Variants in USP24 observed in about 807,000 individuals in gnomAD.
The protein encoded by USP24 is ubiquitin specific peptidase 24, also known as ubiquitin carboxyl-terminal hydrolase 24.
A neutral mutation model predicts 361.6 loss-of-function variants in USP24; 97 were observed. The observed-to-expected ratio is 0.27, with a 90% confidence interval of 0.23 to 0.32. USP24 has a LOEUF of 0.32. Among genes scored for constraint, USP24 ranks in the 10% least tolerant of loss-of-function variants. The probability of loss-of-function intolerance (pLI) is 1.00; values close to 1 mark genes in which losing one functional copy is unlikely to be tolerated. For synonymous variants in USP24, 1,098 were observed against 1,124.6 expected (o/e 0.98, Z 0.47); for missense variants, 2,353 against 3,165.6 (o/e 0.74, Z 6.16).
Position 55,151,813 on chromosome 1 carries a change from A to AT in USP24, c.1860+2056dup. On this transcript the variant is annotated intron_variant, in intron 16 of 67. Transcript: ENST00000294383. ...CTGAACACAACAGTGGAACTTGGGA[A>AT]TTTTAAGAGTATCAAAAGCAGAGGG... 6 of 847,330 alleles carry AT rather than the reference A, an allele frequency of 7.1e-6. No individual in the cohort carries two copies. The South Asian group carries it at 3.2e-4, about 46-fold the overall frequency. 52.5% of individuals were successfully genotyped at this position (847,330 alleles called of 1,614,324 possible).
At chr1:55,176,270 C>T in intron 3 of USP24, 106 bp downstream of exon 3, 1 of 831,784 alleles carries the variant, frequency 1.2e-6, no homozygotes, top group Non-Finnish European at 1.8e-6. Flanking sequence ...GATTCATAAA[C>T]TGGTCTTATA....
chr1:55,207,588 T>C (rs1260630169), intron 1 of USP24, among the ~76,000 whole-genome samples: 4 of 152,116 alleles, frequency 2.6e-5, no homozygotes, highest in African/African-American at 2.4e-5. Flanking sequence ...ATGTAACAAC[T>C]GCATACACAG....
At chr1:55,076,720 A>AT (rs578178194) in intron 62 of USP24, among the ~76,000 whole-genome samples, 10 of 151,540 alleles carry the variant, frequency 6.6e-5, no homozygotes, top group South Asian at 2.1e-4. Flanking sequence ...CTGCCAGAGG[A>AT]TTTTTTTTTC....
intron 1 of USP24, among the ~76,000 whole-genome samples, chr1:55,203,005 G>A (rs754012155): frequency 2.6e-5 from 4 of 152,146 alleles, no homozygotes; most frequent in Non-Finnish European, 4.4e-5. Flanking sequence ...TTTTACTACC[G>A]TATATTGTAA....
chr1:55,123,657 T>A (rs1337346323), intron 35 of USP24, 55 bp from the exon 36 acceptor site: 1 of 1,461,862 alleles, frequency 6.8e-7, no homozygotes, highest in Non-Finnish European at 9.1e-7. Flanking sequence ...TATGCAATAT[T>A]TTAATCTTTT....
At chr1:55,167,137 G>C (rs940325618) in intron 5 of USP24, among the ~76,000 whole-genome samples, 6 of 152,070 alleles carry the variant, frequency 3.9e-5, no homozygotes, top group Non-Finnish European at 8.8e-5. Flanking sequence ...TTCTAGCAGG[G>C]TCAACAAAAC....
At chr1:55,175,219 CTTTTTTTTTTTTT>C (rs3072970) in intron 3 of USP24, among the ~76,000 whole-genome samples, 10 of 66,914 alleles carry the variant, frequency 1.5e-4, no homozygotes, top group Admixed American at 4.4e-4. Flanking sequence ...TACTGGGTCT[CTTTTTTTTTTTTT>C]TTTTTTTTTT....
chr1:55,157,871 C>CA (rs1053968034), intron 10 of USP24, among the ~76,000 whole-genome samples: 12 of 151,202 alleles, frequency 7.9e-5, no homozygotes, highest in African/African-American at 2.9e-4. Flanking sequence ...GTCATTCTTA[C>CA]AGCTGTCATT....
intron 34 of USP24, 41 bp from the exon 35 acceptor site, chr1:55,124,669 G>C: frequency 6.2e-7 from 1 of 1,606,378 alleles, no homozygotes. Context: ...AGCAATACTT[G>C]AACACATGCC....
Position 55,135,929 on chromosome 1 carries a change from T to C in USP24, c.3202-1516A>G, listed in dbSNP as rs537396065. Among the ~76,000 whole-genome samples, 298 of 152,288 alleles carry C rather than the reference T, an allele frequency of 2.0e-3. 1 individual carries two copies. The highest frequency in any genetic ancestry group is 6.5e-3 in the African/African-American group (271 of 41,566). ...CAAAATAAACTAATTCATGAAGTCA[T>C]TGAAATATTGATTGAGTACCTATCA... On this transcript the variant is annotated intron_variant, in intron 28 of 67. Transcript: ENST00000294383.
At chr1:55,175,134 A>G (rs1007266702) in intron 3 of USP24, among the ~76,000 whole-genome samples, 2 of 151,424 alleles carry the variant, frequency 1.3e-5, no homozygotes, top group East Asian at 1.9e-4. Flanking sequence ...TATATTTTTT[A>G]AGGCTTGAAT....
chr1:55,072,194 T>G, intron 66 of USP24, 123 bp downstream of exon 66: 1 of 773,034 alleles, frequency 1.3e-6, no homozygotes, highest in Non-Finnish European at 2.1e-6. Flanking sequence ...ATCCAATTGT[T>G]TCTTCTGCTT....
chr1:55,100,154 A>C (rs1645595811), intron 44 of USP24, among the ~76,000 whole-genome samples: 1 of 152,230 alleles, frequency 6.6e-6, no homozygotes, highest in Non-Finnish European at 1.5e-5. Context: ...ATGGGGAAAA[A>C]CACAAGGTGA....
chr1:55,095,003 C>T (rs1645464640), intron 51 of USP24, among the ~76,000 whole-genome samples: 1 of 151,902 alleles, frequency 6.6e-6, no homozygotes, highest in South Asian at 2.1e-4. Context: ...ACCACACTGT[C>T]TCAAAAAAAC....
chr1:55,133,183 T>C (rs576567567), intron 30 of USP24, among the ~76,000 whole-genome samples: 4 of 152,326 alleles, frequency 2.6e-5, no homozygotes, highest in East Asian at 3.9e-4. Flanking sequence ...ATAGAAAATA[T>C]AGTTCTAACA....
At position 55,165,925 on chromosome 1, in the gene USP24, G is replaced by C. The variant is rs1383461752; in HGVS notation, c.887C>G (p.Ala296Gly). ...TTCTGAATGGAGCTTGGCTTGGATT[G>C]CTGCAAATCCACCTAATTCTCCAAA... ...NKFGELGGFA[A>G]IQAKLHSEDI... The change falls in exon 7 of 68, where the codon GCA (alanine) becomes GGA (glycine). Residue 296 changes from alanine to glycine, a missense_variant. Physicochemically the swap from Ala to Gly is moderately conservative, Grantham distance 60. This residue lies in a region of USP24 where 386 missense variants were observed against 560.5 expected (regional missense o/e 0.69). Transcript: ENST00000294383. 6.2e-6 allele frequency: 10 copies of C among 1,606,908 alleles called. No homozygotes were observed. The Middle Eastern group carries it at 6.6e-4, about 107-fold the overall frequency.
rs1301854734 is a variant in USP24, at chr1:55,078,730, A to G, written c.7201-79T>C. The G allele has an allele frequency of 4.5e-6, 5 of 1,112,430 alleles. No homozygotes were observed. In the Admixed American group the frequency reaches 1.0e-4, roughly 23 times the overall value. 68.9% of individuals were successfully genotyped at this position (1,112,430 alleles called of 1,614,324 possible). Reference sequence around the variant, plus strand: ...ATCTGTTGTTGCTGCCTTTAACTGAAATCTACCCAGATTTTAAGATAATTA... The same window carrying G: ...ATCTGTTGTTGCTGCCTTTAACTGAGATCTACCCAGATTTTAAGATAATTA... On this transcript the variant is annotated intron_variant, in intron 60 of 67. Transcript: ENST00000294383.
chr1:55,212,160 G>C (rs1569847804), intron 1 of USP24, among the ~76,000 whole-genome samples: 1 of 152,302 alleles, frequency 6.6e-6, no homozygotes, highest in Middle Eastern at 3.4e-3. Flanking sequence ...AAACAAGGGA[G>C]CTGCACTAAT....
chr1:55,201,630 G>C (rs945869411), intron 1 of USP24, among the ~76,000 whole-genome samples: 4 of 59,372 alleles, frequency 6.7e-5, no homozygotes, highest in Non-Finnish European at 1.3e-4. Context: ...AAAAAAAAAA[G>C]ACTCAATTTA....
Sources: allele counts gnomAD v4.1 joint callset (sites outside exome capture counted in the v4.1 genomes callset), GRCh38; gene constraint gnomAD v4.1.1; regional missense constraint gnomAD v4.1.1; transcripts MANE v1.5; gene names NCBI Gene and HGNC (gene_info 2026-07-23, HGNC 2026-07-21).